PKIG: variants seen among roughly 807,000 people sequenced by gnomAD.
PKIG encodes protein kinase (cAMP-dependent, catalytic) inhibitor gamma.
In PKIG, 1 loss-of-function variant was observed where a neutral mutation model predicts 6.8. The ratio of observed to expected loss-of-function variants is 0.15; its 90% CI spans 0.05 to 0.69. PKIG has a LOEUF of 0.69. Ranked by LOEUF, PKIG falls within the 30% of genes least tolerant of loss-of-function variation. The pLI, the probability that PKIG is intolerant of heterozygous loss-of-function variation, is 0.82. For synonymous variants in PKIG, 39 were observed against 43.0 expected, an observed-to-expected ratio of 0.91 and a Z score of 0.36; for missense variants, 77 against 104.0, an observed-to-expected ratio of 0.74 and a Z score of 1.13.
chr20:44,557,972 A>G (rs1016706683), intron 1 of PKIG, among the ~76,000 whole-genome samples: 2 of 152,280 alleles, frequency 1.3e-5, no homozygotes, highest in East Asian at 1.9e-4. Flanking sequence ...GAACCTCACT[A>G]TTTCTCCAAA....
At chr20:44,613,424 C>T (rs980899145) in intron 2 of PKIG, among the ~76,000 whole-genome samples, 5 of 152,194 alleles carry the variant, frequency 3.3e-5, no homozygotes, top group African/African-American at 1.2e-4. Context: ...TTCCTCCCCA[C>T]TCCACCTCTC....
intron 1 of PKIG, among the ~76,000 whole-genome samples, chr20:44,569,642 T>C (rs1275221359): frequency 6.6e-6 from 1 of 152,206 alleles, no homozygotes; most frequent in East Asian, 1.9e-4. Context: ...GTTTTACTCT[T>C]GTTGCCCAGG....
At chr20:44,581,043 G>A (rs892494751), upstream of PKIG, among the ~76,000 whole-genome samples, 7 of 152,114 alleles carry the variant, frequency 4.6e-5, no homozygotes, top group Non-Finnish European at 8.8e-5. Context: ...GGCTGGCTGC[G>A]GCAACCACTT....
chr20:44,537,495 A>G (rs1349550251), intron 1 of PKIG, among the ~76,000 whole-genome samples: 3 of 151,980 alleles, frequency 2.0e-5, no homozygotes, highest in Non-Finnish European at 2.9e-5. Flanking sequence ...CGGCCTCCCA[A>G]AGTGCTGGGA....
intron 1 of PKIG, among the ~76,000 whole-genome samples, chr20:44,540,012 G>A (rs1041458314): frequency 2.6e-5 from 4 of 152,082 alleles, no homozygotes; most frequent in African/African-American, 9.7e-5. Context: ...GGCTGCTGGA[G>A]TGCAGTGGTG....
upstream of PKIG, among the ~76,000 whole-genome samples, chr20:44,580,192 A>AG (rs2091045939): frequency 6.6e-6 from 1 of 152,190 alleles, no homozygotes; most frequent in Non-Finnish European, 1.5e-5. Flanking sequence ...AGAACCTTGG[A>AG]GAGTAAGGCT....
At chr20:44,550,047 C>A (rs953132896) in intron 1 of PKIG, among the ~76,000 whole-genome samples, 1 of 150,634 alleles carries the variant, frequency 6.6e-6, no homozygotes, top group Non-Finnish European at 1.5e-5. Context: ...TTATCTAGCA[C>A]CTGAGGTATA....
intron 1 of PKIG, among the ~76,000 whole-genome samples, chr20:44,559,929 G>C (rs1247877050): frequency 6.6e-6 from 1 of 152,118 alleles, no homozygotes; most frequent in Non-Finnish European, 1.5e-5. Flanking sequence ...GTAGCGCCGG[G>C]CATGGTGGCT....
chr20:44,614,340 A>G lies in PKIG; in HGVS notation c.-23-194A>G. ...TGAGCCCATGTTCTTTAAAATGTTG[A>G]TGGTGGTTGTCTGGGTGTGGAATTA... On this transcript the variant is annotated intron_variant, in intron 2 of 3. Transcript: ENST00000372886. The surrounding 1 kb of genome is among the most constrained non-coding windows in gnomAD (Gnocchi z 4.6). 2.0e-6 allele frequency: 1 copy of G among 507,146 alleles called. No homozygotes were observed. Among genetic ancestry groups the G allele is most frequent in the Non-Finnish European group, 3.5e-6 (1 of 285,690 alleles). The allele number at this position is 507,146 out of a possible 1,614,324, so 31.4% of individuals were successfully genotyped here. A position where few individuals can be genotyped will look rare whatever the true frequency, so the allele number is the denominator to read the frequency against.
intron 1 of PKIG, among the ~76,000 whole-genome samples, chr20:44,584,032 G>C (rs964023926): frequency 7.2e-5 from 11 of 152,160 alleles, no homozygotes; most frequent in Admixed American, 3.9e-4. Context: ...CTTGGGGAGA[G>C]AGGAAAGAAG....
chr20:44,607,707 C>T (rs1409372684), intron 2 of PKIG, among the ~76,000 whole-genome samples: 6 of 124,740 alleles, frequency 4.8e-5, no homozygotes, highest in East Asian at 2.4e-4. Flanking sequence ...TTTTTTGAGA[C>T]GGAGTCTCAC....
chr20:44,535,310 A>G (rs1354394398), intron 1 of PKIG, among the ~76,000 whole-genome samples: 1 of 152,122 alleles, frequency 6.6e-6, no homozygotes, highest in Non-Finnish European at 1.5e-5. Context: ...TGTCTATCAT[A>G]AGACATCATG....
At chr20:44,618,207 C>A in intron 3 of PKIG, 78 bp from the exon 4 acceptor site, 2 of 914,958 alleles carry the variant, frequency 2.2e-6, no homozygotes, top group South Asian at 2.6e-5. Flanking sequence ...ATCAGTTTGG[C>A]TGGGCCCTTT....
upstream of PKIG, among the ~76,000 whole-genome samples, chr20:44,579,291 A>G (rs2064927081): frequency 6.6e-6 from 1 of 152,238 alleles, no homozygotes; most frequent in Non-Finnish European, 1.5e-5. Context: ...GACCCCTTCT[A>G]AACTGGGGGT....
intron 2 of PKIG, among the ~76,000 whole-genome samples, chr20:44,597,705 C>A (rs78177293): frequency 1.3e-5 from 2 of 152,120 alleles, no homozygotes; most frequent in Non-Finnish European, 2.9e-5. Flanking sequence ...GGGTCCTCCC[C>A]GGGCCTCCTG....
intron 1 of PKIG, among the ~76,000 whole-genome samples, chr20:44,543,202 T>C (rs2064578293): frequency 6.6e-6 from 1 of 152,188 alleles, no homozygotes; most frequent in African/African-American, 2.4e-5. Context: ...CTTGTGAGGA[T>C]TGCATGAAAT....
At chr20:44,592,250 G>A (rs951533803) in intron 2 of PKIG, among the ~76,000 whole-genome samples, 6 of 152,124 alleles carry the variant, frequency 3.9e-5, no homozygotes, top group Middle Eastern at 3.2e-3. Context: ...GAGAAGGGCC[G>A]GAGTCTGGAG....
chr20:44,614,694 A>C lies in PKIG; in HGVS notation c.138A>C (p.Ala46=), dbSNP rs368835291. The change falls in exon 3 of 4, where the codon GCA becomes GCC. Residue 46 remains alanine, a synonymous_variant. Transcript: ENST00000372886. The surrounding 1 kb of genome is among the most constrained non-coding windows in gnomAD (Gnocchi z 4.6). ...RKLAGDMGEL[A]LEGAEGQVEG... ...TGGCTGGAGACATGGGCGAGCTGGC[A>C]CTCGAGGGGGCAGGTTAGAGCCAGC... 1.2e-6 allele frequency: 2 copies of C among 1,613,564 alleles called. No individual in the cohort carries two copies. Among genetic ancestry groups the C allele is most frequent in the Non-Finnish European group, 1.7e-6 (2 of 1,179,998 alleles).
At chr20:44,566,928 G>A (rs957587417) in intron 1 of PKIG, among the ~76,000 whole-genome samples, 2 of 152,136 alleles carry the variant, frequency 1.3e-5, no homozygotes, top group African/African-American at 4.8e-5. Context: ...TAACCCATAG[G>A]TACATGAATA....
Sources: gnomAD v4.1 joint callset for allele counts (sites outside exome capture counted in the v4.1 genomes callset) on GRCh38, gnomAD v4.1.1 for gene constraint, Gnocchi (gnomAD v3.1) non-coding constraint, MANE v1.5 for transcripts, NCBI Gene and HGNC (gene_info 2026-07-23, HGNC 2026-07-21) for gene names.